Variants in TRIM33 observed in about 807,000 individuals in gnomAD.
The protein encoded by TRIM33 is E3 ubiquitin-protein ligase TRIM33.
A neutral mutation model predicts 125.4 loss-of-function variants in TRIM33; 20 were observed. The ratio of observed to expected loss-of-function variants is 0.16; its 90% confidence interval spans 0.11 to 0.23. The LOEUF (loss-of-function observed/expected upper bound fraction) is 0.23, where lower values mean the gene tolerates loss of function less well. TRIM33 is among the 10% of genes least tolerant of loss of function. The pLI is 1.00. For missense variants in TRIM33, 920 were observed against 1,411.4 expected, an observed-to-expected ratio of 0.65 and a Z score of 5.58; for synonymous variants, 564 against 513.9, an observed-to-expected ratio of 1.10 and a Z score of -1.32.
rs372969672 is a variant in TRIM33, at chr1:114,393,334, A to T, written c.*4314T>A. 10 of 199,930 alleles carry T rather than the reference A, an allele frequency of 5.0e-5. No homozygotes were observed. The highest frequency in any genetic ancestry group is 1.8e-4 in the Admixed American group (3 of 16,556). 12.4% of individuals were successfully genotyped at this position (199,930 alleles called of 1,614,324 possible). ...CTACATTTTTCAGAACAAGGAGCAG[A>T]CATGCATTCCATCCTTAAGATTGAA... On this transcript the variant is annotated 3_prime_UTR_variant, in exon 20 of 20. Transcript: ENST00000358465.
chr1:114,479,144 C>T lies in TRIM33; in HGVS notation c.527-14756G>A, dbSNP rs539923286. Among the ~76,000 whole-genome samples the T allele has an allele frequency of 4.0e-4, 61 of 152,142 alleles. No individual in the cohort carries two copies. The South Asian group carries it at 8.1e-3, about 20-fold the overall frequency. Reference sequence around the variant, plus strand: ...AAAATCAGAGAGGAAAAAAGACTGACGAGAAAAGAACAGATCCTCAGAAAC... The same window carrying T: ...AAAATCAGAGAGGAAAAAAGACTGATGAGAAAAGAACAGATCCTCAGAAAC... On this transcript the variant is annotated intron_variant, in intron 1 of 19. Coordinates refer to ENST00000358465, the MANE Select transcript of TRIM33 (RefSeq NM_015906.4).
chr1:114,496,602 T>C (rs1285396422), intron 1 of TRIM33, among the ~76,000 whole-genome samples: 3 of 152,204 alleles, frequency 2.0e-5, no homozygotes, highest in African/African-American at 7.2e-5. Context: ...AAAGAAAAAT[T>C]TCCACAATTT....
intron 11 of TRIM33, among the ~76,000 whole-genome samples, chr1:114,420,954 C>T (rs558971291): frequency 6.6e-6 from 1 of 152,034 alleles, no homozygotes; most frequent in Admixed American, 6.6e-5. Flanking sequence ...CCACAATAGC[C>T]AAGATATGTA....
intron 1 of TRIM33, among the ~76,000 whole-genome samples, chr1:114,482,483 G>T (rs934468864): frequency 6.6e-6 from 1 of 152,120 alleles, no homozygotes; most frequent in Non-Finnish European, 1.5e-5. Flanking sequence ...GGGAGATGGG[G>T]GGAGATAGAG....
chr1:114,499,492 C>CTT (rs901581767), intron 1 of TRIM33, among the ~76,000 whole-genome samples: 1 of 149,068 alleles, frequency 6.7e-6, no homozygotes, highest in Non-Finnish European at 1.5e-5. Context: ...TGAGAATTCC[C>CTT]TTTTTTTTTT....
chr1:114,463,704 C>CTTACAGATCATTACATGATCCT lies in TRIM33; in HGVS notation c.646-149_646-148insAGGATCATGTAATGATCTGTAA, dbSNP rs1650125155. The CTTACAGATCATTACATGATCCT allele has an allele frequency of 7.2e-5, 42 of 581,350 alleles. 1 individual carries two copies. In the South Asian group the frequency reaches 9.6e-4, roughly 13 times the overall value. The allele number at this position is 581,350 out of a possible 1,614,324, so 36.0% of individuals were successfully genotyped here. On this transcript the variant is annotated intron_variant, in intron 2 of 19. Coordinates refer to ENST00000358465, the MANE Select transcript of TRIM33 (RefSeq NM_015906.4). The stretch of plus-strand genomic sequence containing the variant: ...ATTTATCTTCAACAAAATCCTTTTC[C>CTTACAGATCATTACATGATCCT]TTACAGATCATTCATGTAGGTAAAA...
intron 14 of TRIM33, among the ~76,000 whole-genome samples, chr1:114,406,053 GA>G (rs1179211512): frequency 6.6e-6 from 1 of 152,152 alleles, no homozygotes; most frequent in Non-Finnish European, 1.5e-5. Context: ...ACTTTTCCTT[GA>G]GAGAGCTAAT....
chr1:114,454,116 G>C (rs1047506649), intron 4 of TRIM33, among the ~76,000 whole-genome samples: 1 of 152,154 alleles, frequency 6.6e-6, no homozygotes, highest in African/African-American at 2.4e-5. Flanking sequence ...GAAGTGAAAG[G>C]AGTCTCGTGG....
intron 1 of TRIM33, among the ~76,000 whole-genome samples, chr1:114,494,072 C>T (rs965475942): frequency 1.3e-5 from 2 of 152,078 alleles, no homozygotes; most frequent in Non-Finnish European, 2.9e-5. Context: ...ATCTGCCCAC[C>T]TTGGCCTCCC....
At chr1:114,502,730 C>T (rs891044127) in intron 1 of TRIM33, among the ~76,000 whole-genome samples, 1 of 152,116 alleles carries the variant, frequency 6.6e-6, no homozygotes, top group Non-Finnish European at 1.5e-5. Context: ...TGGTCTTGAA[C>T]TCCTGGGCTC....
chr1:114,412,289 C>T (rs1005562175), intron 11 of TRIM33, among the ~76,000 whole-genome samples: 7 of 152,294 alleles, frequency 4.6e-5, no homozygotes, highest in Non-Finnish European at 5.9e-5. Context: ...CTACCAACTT[C>T]GCTTACAGAA....
chr1:114,485,562 C>A (rs1253061793), intron 1 of TRIM33, among the ~76,000 whole-genome samples: 3 of 152,100 alleles, frequency 2.0e-5, no homozygotes, highest in African/African-American at 7.2e-5. Flanking sequence ...TGAACTTAAA[C>A]CCTAAATCAG....
intron 4 of TRIM33, among the ~76,000 whole-genome samples, chr1:114,455,096 G>A (rs753904694): frequency 2.2e-4 from 33 of 152,004 alleles, no homozygotes; most frequent in Non-Finnish European, 4.3e-4. Context: ...AGGTTGAAGC[G>A]AGACCCACAG....
rs369899421 is a variant in TRIM33 at position 114,427,143 on chromosome 1, C to A, written c.1420+34G>T. On this transcript the variant is annotated intron_variant, in intron 8 of 19. Transcript: ENST00000358465. Reference sequence around the variant, plus strand: ...TATTTTCTCCTTCTAATTCAGTGTTCCAAGTTATATTCATAAAACTCATTA... The same window carrying A: ...TATTTTCTCCTTCTAATTCAGTGTTACAAGTTATATTCATAAAACTCATTA... The A allele has an allele frequency of 6.6e-6, 7 of 1,063,722 alleles. No individual in the cohort carries two copies. The African/African-American group carries it at 9.6e-5, about 15-fold the overall frequency. The allele number at this position is 1,063,722 out of a possible 1,614,324, so 65.9% of individuals were successfully genotyped here.
At chr1:114,433,595 G>A (rs1336879195) in intron 5 of TRIM33, 22 bp downstream of exon 5, 9 of 1,382,692 alleles carry the variant, frequency 6.5e-6, no homozygotes, top group African/African-American at 4.4e-5. Context: ...TTAAAATTAT[G>A]GTTTTAAGGC....
rs759127583 is a variant in TRIM33 at position 114,407,133 on chromosome 1, G to A, written c.2259-33C>T. 23 of 1,576,928 alleles carry A rather than the reference G, an allele frequency of 1.5e-5. 1 individual carries two copies. The highest frequency in any genetic ancestry group is 1.1e-4 in the South Asian group (10 of 87,866). On this transcript the variant is annotated intron_variant, in intron 13 of 19. Transcript: ENST00000358465. ...GAAACAACAAATAAAGATCACATAC[G>A]TTTGACTATATGGTATAAATAAAAA...
At chr1:114,435,078 A>G (rs1003953789) in intron 4 of TRIM33, among the ~76,000 whole-genome samples, 2 of 152,238 alleles carry the variant, frequency 1.3e-5, no homozygotes, top group African/African-American at 4.8e-5. Flanking sequence ...CTATTTGTGC[A>G]TTTAATTCTC....
intron 1 of TRIM33, among the ~76,000 whole-genome samples, chr1:114,496,828 G>A (rs1013479026): frequency 1.3e-5 from 2 of 152,170 alleles, no homozygotes; most frequent in African/African-American, 2.4e-5. Context: ...ATTCTGCTGT[G>A]ATCAGATATT....
At chr1:114,441,783 C>CTTG (rs1648671230) in intron 4 of TRIM33, among the ~76,000 whole-genome samples, 1 of 152,132 alleles carries the variant, frequency 6.6e-6, no homozygotes, top group Non-Finnish European at 1.5e-5. Context: ...GTGTTTCTTC[C>CTTG]TCAAGTCTTC....
Sources: gnomAD v4.1 joint callset for allele counts (sites outside exome capture counted in the v4.1 genomes callset) on GRCh38, gnomAD v4.1.1 for gene constraint, MANE v1.5 for transcripts, NCBI Gene and HGNC (gene_info 2026-07-23, HGNC 2026-07-21) for gene names.